METTL15: variants seen among roughly 807,000 people sequenced by gnomAD.
METTL15 encodes methyltransferase 15, mitochondrial 12S rRNA N4-cytidine.
METTL15 carries 34 observed loss-of-function variants against 38.3 expected under a neutral mutation model. The ratio of observed to expected loss-of-function variants is 0.89; its 90% CI spans 0.68 to 1.18. The LOEUF (loss-of-function observed/expected upper bound fraction) is 1.18, where lower values mean the gene tolerates loss of function less well. METTL15 is among the 50% of genes most tolerant of loss of function. The probability of loss-of-function intolerance (pLI) is 0.00; values close to 1 mark genes in which losing one functional copy is unlikely to be tolerated. For missense variants in METTL15, 438 were observed against 498.4 expected (o/e 0.88, Z 1.15); for synonymous variants, 162 against 170.9 (o/e 0.95, Z 0.41).
At chr11:28,504,197 C>CAA (rs376321913) in intron 6 of METTL15, among the ~76,000 whole-genome samples, 1,159 of 68,984 alleles carry the variant, frequency 0.017, 19 homozygotes, top group African/African-American at 0.032. Flanking sequence ...AACTCTGTCT[C>CAA]AAAAAAAAAA....
intron 6 of METTL15, among the ~76,000 whole-genome samples, chr11:28,440,937 G>T (rs1285166008): frequency 6.6e-6 from 1 of 152,116 alleles, no homozygotes; most frequent in Non-Finnish European, 1.5e-5. Context: ...AATATGGCCA[G>T]CCCAAACTGA....
At chr11:28,306,517 A>G (rs1857087479) in intron 6 of METTL15, among the ~76,000 whole-genome samples, 1 of 151,958 alleles carries the variant, frequency 6.6e-6, no homozygotes, top group Non-Finnish European at 1.5e-5. Context: ...TGATATTTAC[A>G]TGGATTCAGA....
intron 3 of METTL15, among the ~76,000 whole-genome samples, chr11:28,194,239 C>T (rs904086655): frequency 1.4e-5 from 2 of 140,482 alleles, no homozygotes; most frequent in African/African-American, 5.4e-5. Flanking sequence ...GCTCTTGTTG[C>T]CCATGCTGAA....
intron 5 of METTL15, among the ~76,000 whole-genome samples, chr11:28,395,119 A>G (rs1404405421): frequency 1.3e-5 from 2 of 152,050 alleles, no homozygotes; most frequent in Non-Finnish European, 2.9e-5. Context: ...CCCTCACTTG[A>G]CAATTATCGT....
chr11:28,290,505 T>C (rs1590271962), intron 5 of METTL15, 108 bp downstream of exon 5: 1 of 901,120 alleles, frequency 1.1e-6, no homozygotes, highest in Non-Finnish European at 1.7e-6. Context: ...TGCCTACACC[T>C]AACACTACCA....
chr11:28,476,882 T>G (rs931314625), intron 6 of METTL15, among the ~76,000 whole-genome samples: 6 of 152,086 alleles, frequency 3.9e-5, no homozygotes, highest in African/African-American at 1.4e-4. Context: ...TTGTGAGCAG[T>G]GAGATAATAG....
Position 28,330,856 on chromosome 11 carries a change from A to C in METTL15, c.*15A>C. On this transcript the variant is annotated 3_prime_UTR_variant, in exon 7 of 7. Transcript: ENST00000407364. ...TCAAATTATAAGTTATCATCATCTT[A>C]TTCTTCAAATTTTTTTCTCACAATT... The C allele has an allele frequency of 6.6e-7, 1 of 1,509,454 alleles. No individual in the cohort carries two copies. The highest frequency in any genetic ancestry group is 8.8e-7 in the Non-Finnish European group (1 of 1,130,190). The allele number at this position is 1,509,454 out of a possible 1,614,324, so 93.5% of individuals were successfully genotyped here.
intron 4 of METTL15, chr11:28,287,548 A>C: frequency 3.2e-6 from 1 of 312,474 alleles, no homozygotes; most frequent in Non-Finnish European, 6.1e-6. Flanking sequence ...GCTCGGCCTA[A>C]TAAGAACCTC....
At chr11:28,406,149 T>A (rs930910135) in intron 5 of METTL15, among the ~76,000 whole-genome samples, 1 of 152,196 alleles carries the variant, frequency 6.6e-6, no homozygotes, top group Non-Finnish European at 1.5e-5. Context: ...GTGAAGAATG[T>A]CAATGGTAGT....
intron 4 of METTL15, among the ~76,000 whole-genome samples, chr11:28,227,693 A>C (rs539248017): frequency 6.6e-6 from 1 of 152,046 alleles, no homozygotes; most frequent in Admixed American, 6.6e-5. Flanking sequence ...GAAAGCACCA[A>C]AGTTTTTGAA....
chr11:28,146,778 TTTAC>T (rs1430137888), intron 3 of METTL15, among the ~76,000 whole-genome samples: 4 of 152,072 alleles, frequency 2.6e-5, no homozygotes, highest in Admixed American at 6.6e-5. Context: ...GATGTTACGT[TTTAC>T]TTAATAAAAA....
intron 3 of METTL15, among the ~76,000 whole-genome samples, chr11:28,156,172 C>A (rs2133730831): frequency 6.6e-6 from 1 of 152,152 alleles, no homozygotes; most frequent in African/African-American, 2.4e-5. Context: ...TTGGAAGTCA[C>A]CTCATAAAAA....
intron 4 of METTL15, among the ~76,000 whole-genome samples, chr11:28,226,899 G>T (rs1267372776): frequency 6.6e-6 from 1 of 151,786 alleles, no homozygotes; most frequent in Non-Finnish European, 1.5e-5. Flanking sequence ...TGAAAGAATT[G>T]TCACAAATAT....
intron 3 of METTL15, among the ~76,000 whole-genome samples, chr11:28,151,501 T>C (rs1181476843): frequency 1.3e-5 from 2 of 151,996 alleles, no homozygotes; most frequent in Non-Finnish European, 2.9e-5. Context: ...TCTGCCAACA[T>C]GCGTTACTTC....
At chr11:28,182,102 GTTGT>G (rs1231913941) in intron 3 of METTL15, among the ~76,000 whole-genome samples, 1 of 151,976 alleles carries the variant, frequency 6.6e-6, no homozygotes, top group African/African-American at 2.4e-5. Flanking sequence ...TTTTGATGGG[GTTGT>G]TTGTTTTTTT....
At chr11:28,381,715 T>A (rs1275464897) in intron 5 of METTL15, among the ~76,000 whole-genome samples, 2 of 152,186 alleles carry the variant, frequency 1.3e-5, no homozygotes, top group African/African-American at 2.4e-5. Context: ...ATTTTTTAAA[T>A]TGTTTTAATC....
intron 3 of METTL15, among the ~76,000 whole-genome samples, chr11:28,342,687 G>T (rs1438663681): frequency 6.6e-6 from 1 of 152,142 alleles, no homozygotes; most frequent in East Asian, 1.9e-4. Context: ...TAGAATAGAT[G>T]ACTTTTAAGG....
At chr11:28,345,841 A>G (rs1213452671) in intron 3 of METTL15, among the ~76,000 whole-genome samples, 2 of 152,198 alleles carry the variant, frequency 1.3e-5, no homozygotes, top group Admixed American at 6.5e-5. Context: ...GAATTAAAAG[A>G]TGGTGTCTAT....
At chr11:28,400,532 A>C (rs960043565) in intron 5 of METTL15, among the ~76,000 whole-genome samples, 3 of 151,930 alleles carry the variant, frequency 2.0e-5, no homozygotes, top group African/African-American at 4.8e-5. Flanking sequence ...ATAAATTGAG[A>C]AACAGTTTAA....
Sources: gnomAD v4.1 joint callset for allele counts (sites outside exome capture counted in the v4.1 genomes callset) on GRCh38, gnomAD v4.1.1 for gene constraint, MANE v1.5 for transcripts, NCBI Gene and HGNC (gene_info 2026-07-23, HGNC 2026-07-21) for gene names.